KNTC1: variants seen among roughly 807,000 people sequenced by gnomAD.
KNTC1 encodes the protein kinetochore associated 1.
In KNTC1, 253 loss-of-function variants were observed where a neutral mutation model predicts 314.4. The ratio of observed to expected loss-of-function variants is 0.80; its 90% CI spans 0.73 to 0.89. KNTC1 has a LOEUF of 0.89. Ranked by LOEUF, KNTC1 falls within the 40% of genes least tolerant of loss-of-function variation. The pLI is 0.00. For synonymous variants in KNTC1, 901 were observed against 901.4 expected, an observed-to-expected ratio of 1.00 and a Z score of 0.01; for missense variants, 2,475 against 2,572.9, an observed-to-expected ratio of 0.96 and a Z score of 0.82.
At chr12:122,554,076 A>AAAAATATATATATATAT (rs370146333) in intron 16 of KNTC1, among the ~76,000 whole-genome samples, 47 of 109,030 alleles carry the variant, frequency 4.3e-4, no homozygotes, top group African/African-American at 1.8e-3. Flanking sequence ...AAAAAAAAAA[A>AAAAATATATATATATAT]ATATATATAT....
intron 44 of KNTC1, among the ~76,000 whole-genome samples, chr12:122,599,268 T>G (rs1279389352): frequency 1.3e-5 from 2 of 152,050 alleles, no homozygotes; most frequent in Non-Finnish European, 2.9e-5. Context: ...TTCTGCTCAG[T>G]ATTTGTTTAG....
chr12:122,600,781 T>G (rs1328817452), intron 44 of KNTC1, among the ~76,000 whole-genome samples: 1 of 152,050 alleles, frequency 6.6e-6, no homozygotes, highest in Admixed American at 6.6e-5. Flanking sequence ...TTCTCCTGCC[T>G]CCGCCTCCCA....
intron 40 of KNTC1, among the ~76,000 whole-genome samples, chr12:122,589,814 C>T (rs1455923937): frequency 7.6e-5 from 10 of 131,156 alleles, no homozygotes; most frequent in African/African-American, 2.9e-4. Flanking sequence ...GACGGAGTCT[C>T]GCACTCTCAT....
rs1050227482 is a variant in KNTC1, at chr12:122,620,470, C to G, written c.6150-9C>G. 1 of 1,610,350 alleles carries G rather than the reference C, an allele frequency of 6.2e-7. No individual in the cohort carries two copies. Among genetic ancestry groups the G allele is most frequent in the Admixed American group, 1.7e-5 (1 of 59,604 alleles). Reference sequence around the variant, plus strand: ...CAGATTATTAACTAATTAATGTTCTCTCTCGAAGATGTCCAGTCTCAGGTG... The same window carrying G: ...CAGATTATTAACTAATTAATGTTCTGTCTCGAAGATGTCCAGTCTCAGGTG... On this transcript the variant is annotated splice_polypyrimidine_tract_variant and intron_variant, in intron 59 of 63. Coordinates refer to ENST00000333479, the MANE Select transcript of KNTC1 (RefSeq NM_014708.6).
chr12:122,530,022 G>A lies in KNTC1; in HGVS notation c.-42G>A. On this transcript the variant is annotated 5_prime_UTR_variant, in exon 2 of 64. Coordinates refer to ENST00000333479, the MANE Select transcript of KNTC1 (RefSeq NM_014708.6). Reference sequence around the variant, plus strand: ...TGGTGTCTAATTTTATGTTGTTCAGGAAAGACAGTGGTTCCTGACTCAGGA... The same window carrying A: ...TGGTGTCTAATTTTATGTTGTTCAGAAAAGACAGTGGTTCCTGACTCAGGA... 6.2e-7 allele frequency: 1 copy of A among 1,604,884 alleles called. No individual in the cohort carries two copies. The highest frequency in any genetic ancestry group is 8.5e-7 in the Non-Finnish European group (1 of 1,175,050).
intron 12 of KNTC1, 104 bp downstream of exon 12, chr12:122,548,073 T>A: frequency 1.6e-6 from 1 of 613,808 alleles, no homozygotes. Context: ...AGCTCTTAGT[T>A]CACACAGAAA....
intron 55 of KNTC1, 95 bp downstream of exon 55, chr12:122,613,856 T>C (rs1425255174): frequency 2.3e-6 from 3 of 1,311,542 alleles, no homozygotes; most frequent in Non-Finnish European, 3.0e-6. Context: ...GTTGTTGTTG[T>C]TGGGGACAGA....
At chr12:122,560,998 C>T (rs1963928851) in intron 18 of KNTC1, among the ~76,000 whole-genome samples, 3 of 152,046 alleles carry the variant, frequency 2.0e-5, no homozygotes, top group Non-Finnish European at 4.4e-5. Context: ...AGTCTTATGC[C>T]AAAGAAATAA....
In KNTC1 at chr12:122,530,162, A is replaced by C. The variant is rs761302185; in HGVS notation, c.99A>C (p.Val33=). ...RKEHGTALYQ[V]DLLVKISSEK... Reference sequence around the variant, plus strand: ...AACATGGAACTGCTTTATATCAAGTAGATTTGCTAGTGAAGATCTCTTCTG... The same window carrying C: ...AACATGGAACTGCTTTATATCAAGTCGATTTGCTAGTGAAGATCTCTTCTG... The change falls in exon 2 of 64, where the codon GTA becomes GTC. Residue 33 remains valine, a synonymous_variant. Transcript: ENST00000333479. 5.0e-6 allele frequency: 8 copies of C among 1,613,550 alleles called. No homozygotes were observed. Among genetic ancestry groups the C allele is most frequent in the Non-Finnish European group, 6.8e-6 (8 of 1,179,596 alleles).
Position 122,557,599 on chromosome 12 carries a change from G to A in KNTC1, c.1399-1G>A. On this transcript the variant is annotated splice_acceptor_variant, in intron 17 of 63. Coordinates refer to ENST00000333479, the MANE Select transcript of KNTC1 (RefSeq NM_014708.6). LOFTEE classifies it high-confidence loss of function. ...TACTGTGTCTGGCATTTGTGAAACA[G>A]GATGATGAATTTGTGGTGAATTACT... is the stretch of plus-strand genomic sequence containing the variant. The A allele has an allele frequency of 6.2e-7, 1 of 1,613,016 alleles. No individual in the cohort carries two copies. Among genetic ancestry groups the A allele is most frequent in the Non-Finnish European group, 8.5e-7 (1 of 1,179,444 alleles).
At chr12:122,609,274 A>G (rs551510093) in intron 51 of KNTC1, 110 bp from the exon 52 acceptor site, 16 of 710,214 alleles carry the variant, frequency 2.3e-5, no homozygotes, top group Middle Eastern at 3.2e-4. Context: ...TTCAATGTAA[A>G]CATAATATCG....
At chr12:122,601,738 CTG>C (rs1363166250) in intron 45 of KNTC1, 113 bp downstream of exon 45, 23 of 1,045,988 alleles carry the variant, frequency 2.2e-5, no homozygotes, top group Non-Finnish European at 2.7e-5. Context: ...CCTTTAAACT[CTG>C]TGGTTTATTT....
intron 53 of KNTC1, 28 bp downstream of exon 53, chr12:122,610,928 C>T (rs1027108814): frequency 6.7e-7 from 1 of 1,495,760 alleles, no homozygotes; most frequent in Non-Finnish European, 9.3e-7. Context: ...AATCCAAACT[C>T]TTCTGTGCAT....
chr12:122,622,863 T>G (rs1874590750), intron 62 of KNTC1, among the ~76,000 whole-genome samples: 1 of 151,680 alleles, frequency 6.6e-6, no homozygotes, highest in South Asian at 2.1e-4. Flanking sequence ...CAGGAGAATC[T>G]CTTCAACCCG....
At position 122,581,487 on chromosome 12, in the gene KNTC1, C is replaced by T. The variant is rs181489585; in HGVS notation, c.2982+817C>T. On this transcript the variant is annotated intron_variant, in intron 33 of 63. Coordinates refer to ENST00000333479, the MANE Select transcript of KNTC1 (RefSeq NM_014708.6). Reference sequence around the variant, plus strand: ...GTGCTGGGATTACAGGTGTGAGCCACCGCGCCTGGCCTTTTTTCTTTTTTT... The same window carrying T: ...GTGCTGGGATTACAGGTGTGAGCCATCGCGCCTGGCCTTTTTTCTTTTTTT... Among the ~76,000 whole-genome samples, 35 of 151,156 alleles carry T rather than the reference C, an allele frequency of 2.3e-4. No individual in the cohort carries two copies. In the Middle Eastern group the frequency reaches 0.017, roughly 74 times the overall value.
chr12:122,584,123 C>T (rs1565984957), intron 34 of KNTC1, among the ~76,000 whole-genome samples, 155 bp from the exon 35 acceptor site: 1 of 151,458 alleles, frequency 6.6e-6, no homozygotes, highest in East Asian at 2.0e-4. Flanking sequence ...GAGCCTGTCT[C>T]AAAAAAACAA....
chr12:122,577,483 C>A (rs1965107037), intron 30 of KNTC1, among the ~76,000 whole-genome samples, 189 bp from the exon 31 acceptor site: 1 of 152,076 alleles, frequency 6.6e-6, no homozygotes, highest in African/African-American at 2.4e-5. Flanking sequence ...CCTGCACTTC[C>A]TGCACATGTA....
At chr12:122,580,745 A>G (rs1163547994) in intron 33 of KNTC1, 75 bp downstream of exon 33, 5 of 992,050 alleles carry the variant, frequency 5.0e-6, no homozygotes, top group East Asian at 5.6e-5. Flanking sequence ...AGTTTTCTGT[A>G]TGGCTGGGCG....
rs1186385170 is a variant in KNTC1, at chr12:122,577,056, A to T, written c.2721+27A>T. On this transcript the variant is annotated intron_variant, in intron 30 of 63. Coordinates refer to ENST00000333479, the MANE Select transcript of KNTC1 (RefSeq NM_014708.6). ...TTTGTAAGTTTTATGTTGTCATTTC[A>T]TATGGCTTCTTTGTTTCTGTGTTGT... 5 of 1,464,336 alleles carry T rather than the reference A, an allele frequency of 3.4e-6. No homozygotes were observed. In the African/African-American group the frequency reaches 5.8e-5, roughly 17 times the overall value. The allele number at this position is 1,464,336 out of a possible 1,614,324, so 90.7% of individuals were successfully genotyped here. A position where few individuals can be genotyped will look rare whatever the true frequency, so the allele number is the denominator to read the frequency against.
Sources: gnomAD v4.1 joint callset for allele counts (sites outside exome capture counted in the v4.1 genomes callset) on GRCh38, gnomAD v4.1.1 for gene constraint, MANE v1.5 for transcripts, NCBI Gene and HGNC (gene_info 2026-07-23, HGNC 2026-07-21) for gene names.